The following UCK1 variants were observed in gnomAD, a reference collection of about 807,000 sequenced individuals.
UCK1 encodes cytidine monophosphokinase 1.
UCK1 carries 20 observed loss-of-function variants against 34.0 expected under a neutral mutation model. The ratio of observed to expected loss-of-function variants is 0.59; its 90% CI spans 0.41 to 0.86. UCK1 has a LOEUF of 0.86. Ranked by LOEUF, UCK1 falls within the 40% of genes least tolerant of loss-of-function variation. The probability of loss-of-function intolerance (pLI) is 0.00; values close to 1 mark genes in which losing one functional copy is unlikely to be tolerated. For synonymous variants in UCK1, 168 were observed against 155.9 expected (o/e 1.08, Z -0.58); for missense variants, 343 against 383.6 (o/e 0.89, Z 0.88).
chr9:131,530,831 G>C (rs1466593848), intron 1 of UCK1, 186 bp from the exon 2 acceptor site: 1 of 1,132,104 alleles, frequency 8.8e-7, no homozygotes, highest in East Asian at 2.6e-5. Flanking sequence ...GCACGGACTT[G>C]GGGCTCCGAG....
chr9:131,530,604 G>C lies in UCK1; in HGVS notation c.150C>G (p.Asn50Lys). The C allele has an allele frequency of 2.5e-6, 4 of 1,614,182 alleles. No individual in the cohort carries two copies. Among genetic ancestry groups the C allele is most frequent in the Non-Finnish European group, 3.4e-6 (4 of 1,180,036 alleles). ...CEKIMELLGQ[N>K]EVEQRQRKVV... ...CCTTCCGCTGCCGCTGTTCCACCTCGTTCTGTCCCAGCAACTCCATGATCT... is the reference window on the plus strand; with the variant it reads ...CCTTCCGCTGCCGCTGTTCCACCTCCTTCTGTCCCAGCAACTCCATGATCT... The change falls in exon 2 of 7, where the codon AAC (asparagine) becomes AAG (lysine). Residue 50 changes from asparagine (N) to lysine (K), a missense_variant. Physicochemically the swap from Asn to Lys is moderately conservative, Grantham distance 94 (BLOSUM62 0). Coordinates refer to ENST00000372215, the MANE Select transcript of UCK1 (RefSeq NM_031432.5).
In UCK1 at chr9:131,525,944, C is replaced by T. The variant is rs778585565; in HGVS notation, c.637G>A (p.Gly213Arg). The change falls in exon 6 of 7, where the codon GGA (glycine) becomes AGA (arginine). Residue 213 changes from glycine to arginine, a missense_variant. Gly to Arg is a moderately radical substitution (Grantham distance 125, BLOSUM62 -2). Transcript: ENST00000372215. ...AGCTTCTTACCCATATTGTCCACTC[C>T]TCGCGGGATGATCACATCGGCATAC... ...KKYADVIIPRGVDNMVAINLI... is the reference protein window; with the variant it reads ...KKYADVIIPRRVDNMVAINLI... 1 of 1,614,110 alleles carries T rather than the reference C, an allele frequency of 6.2e-7. No individual in the cohort carries two copies. Among genetic ancestry groups the T allele is most frequent in the Non-Finnish European group, 8.5e-7 (1 of 1,179,996 alleles).
rs74865728 is a variant in UCK1, at chr9:131,528,286, G to A, written c.603+658C>T. Among the ~76,000 whole-genome samples the A allele has an allele frequency of 4.7e-3, 713 of 152,146 alleles. 7 individuals carry two copies. Among genetic ancestry groups the A allele is most frequent in the African/African-American group, 0.016 (676 of 41,482 alleles). On this transcript the variant is annotated intron_variant, in intron 5 of 6. Coordinates refer to ENST00000372215, the MANE Select transcript of UCK1 (RefSeq NM_031432.5). ...TTACCTTAACAGGCAAAATGTTCCCGTGCAAAACACTCCCATTTGAGTAGA... is the reference window on the plus strand; with the variant it reads ...TTACCTTAACAGGCAAAATGTTCCCATGCAAAACACTCCCATTTGAGTAGA...
At chr9:131,530,279 G>A (rs1950782030) in intron 2 of UCK1, among the ~76,000 whole-genome samples, 1 of 152,192 alleles carries the variant, frequency 6.6e-6, no homozygotes, top group Non-Finnish European at 1.5e-5. Context: ...CTCCAACCAC[G>A]CTCCTGGGGG....
rs1032187926 is a variant in UCK1 at position 131,530,817 on chromosome 9, G to A, written c.109-172C>T. On this transcript the variant is annotated intron_variant, in intron 1 of 6. Transcript: ENST00000372215. ...GGAAGGGCCGCGGGGGCCCAACGGG[G>A]TTAGCACGGACTTGGGGCTCCGAGG... 6 of 1,242,484 alleles carry A rather than the reference G, an allele frequency of 4.8e-6. No homozygotes were observed. The African/African-American group carries it at 7.4e-5, about 15-fold the overall frequency. The allele number at this position is 1,242,484 out of a possible 1,614,324, so 77.0% of individuals were successfully genotyped here.
intron 5 of UCK1, 103 bp from the exon 6 acceptor site, chr9:131,526,080 T>G: frequency 1.5e-6 from 2 of 1,318,122 alleles, no homozygotes; most frequent in Non-Finnish European, 2.2e-6. Flanking sequence ...GGCCCTGGGG[T>G]GCTCAGAGGT....
intron 5 of UCK1, among the ~76,000 whole-genome samples, chr9:131,526,970 T>C (rs1319938963): frequency 6.6e-6 from 1 of 152,054 alleles, no homozygotes; most frequent in African/African-American, 2.4e-5. Context: ...GGCAGAGGAC[T>C]GCACAAGCCA....
chr9:131,530,438 G>A (rs766676839), intron 2 of UCK1, 48 bp downstream of exon 2: 14 of 1,603,310 alleles, frequency 8.7e-6, no homozygotes, highest in East Asian at 2.2e-5. Context: ...GTTAGCGGCC[G>A]CCCAGAATGG....
chr9:131,530,393 C>A (rs751909198), intron 2 of UCK1, 93 bp downstream of exon 2: 16 of 1,478,716 alleles, frequency 1.1e-5, no homozygotes, highest in Non-Finnish European at 1.5e-5. Flanking sequence ...CCAAGCGGGT[C>A]TGCATCCATC....
intron 5 of UCK1, chr9:131,526,383 A>T: frequency 7.9e-7 from 1 of 1,268,568 alleles, no homozygotes; most frequent in Non-Finnish European, 1.0e-6. Flanking sequence ...ACCCTGGCAC[A>T]GCAACAGGAC....
At position 131,525,057 on chromosome 9, in the gene UCK1, T is replaced by G; in HGVS notation, c.817A>C (p.Ser273Arg). 1 of 1,611,916 alleles carries G rather than the reference T, an allele frequency of 6.2e-7. No homozygotes were observed. The highest frequency in any genetic ancestry group is 8.5e-7 in the Non-Finnish European group (1 of 1,178,912). Residue 273 changes from serine to arginine, a missense_variant, in exon 7 of 7, where the codon AGC becomes CGC. Physicochemically the swap from Ser to Arg is moderately radical, Grantham distance 110 (BLOSUM62 -1). Coordinates refer to ENST00000372215, the MANE Select transcript of UCK1 (RefSeq NM_031432.5). ...TSGKRSHLES[S>R]SRPH The stretch of plus-strand genomic sequence containing the variant: ...GCAGCCCCTCAGTGGGGTCTGCTGC[T>G]GGACTCCAAATGTGACCGTTTGCCA...
rs1950712039 is a variant in UCK1 at position 131,528,848 on chromosome 9, A to G, written c.603+96T>C. 5 of 1,446,730 alleles carry G rather than the reference A, an allele frequency of 3.5e-6. No homozygotes were observed. In the East Asian group the frequency reaches 1.2e-4, roughly 35 times the overall value. 89.6% of individuals were successfully genotyped at this position (1,446,730 alleles called of 1,614,324 possible). A position where few individuals can be genotyped will look rare whatever the true frequency, so the allele number is the denominator to read the frequency against. On this transcript the variant is annotated intron_variant, in intron 5 of 6. Transcript: ENST00000372215. ...AATTCTTCTCCTTTTTTTCAATCAG[A>G]TCACTGTCACCCAGCACTAAGCCCT...
chr9:131,530,882 C>A (rs1950815385), intron 1 of UCK1, among the ~76,000 whole-genome samples, 185 bp downstream of exon 1: 1 of 152,138 alleles, frequency 6.6e-6, no homozygotes, highest in African/African-American at 2.4e-5. Context: ...GCCCCGAGGC[C>A]CAGCGCCCCA....
At chr9:131,530,947 T>C in intron 1 of UCK1, 120 bp downstream of exon 1, 1 of 998,200 alleles carries the variant, frequency 1.0e-6, no homozygotes, top group Non-Finnish European at 1.3e-6. Context: ...GCCCCTTCGC[T>C]CCCGCGCCCT....
At chr9:131,527,653 G>C (rs763737323) in intron 5 of UCK1, among the ~76,000 whole-genome samples, 24 of 152,110 alleles carry the variant, frequency 1.6e-4, no homozygotes, top group Non-Finnish European at 3.5e-4. Context: ...GAGGTGGGAG[G>C]ACCACTAGAT....
rs764221483 is a variant in UCK1, at chr9:131,530,546, C to T, written c.208G>A (p.Val70Ile). Residue 70 changes from valine (V) to isoleucine (I), a missense_variant, in exon 2 of 7, where the codon GTC becomes ATC. Transcript: ENST00000372215. ...VILSQDRFYK[V>I]LTAEQKAKAL... ...TTGGCCTTCTGCTCTGCCGTCAGGACCTTGTAGAACCTGTCCTGGCTCAGG... is the reference window on the plus strand; with the variant it reads ...TTGGCCTTCTGCTCTGCCGTCAGGATCTTGTAGAACCTGTCCTGGCTCAGG... 2 of 1,614,130 alleles carry T rather than the reference C, an allele frequency of 1.2e-6. No individual in the cohort carries two copies. Among genetic ancestry groups the T allele is most frequent in the African/African-American group, 2.7e-5 (2 of 74,944 alleles).
intron 5 of UCK1, among the ~76,000 whole-genome samples, chr9:131,528,432 C>T (rs1048467821): frequency 6.6e-6 from 1 of 152,188 alleles, no homozygotes; most frequent in African/African-American, 2.4e-5. Flanking sequence ...GCGCTCACTC[C>T]AAGATTTCAG....
At chr9:131,530,872 G>C (rs968544208) in intron 1 of UCK1, among the ~76,000 whole-genome samples, 195 bp downstream of exon 1, 6 of 152,140 alleles carry the variant, frequency 3.9e-5, no homozygotes, top group African/African-American at 1.2e-4. Flanking sequence ...CTGTGGGGGA[G>C]CCCCGAGGCC....
At chr9:131,525,834 G>A (rs1443430755) in intron 6 of UCK1, 95 bp downstream of exon 6, 45 of 1,332,790 alleles carry the variant, frequency 3.4e-5, no homozygotes, top group South Asian at 1.0e-4. Flanking sequence ...GGCCGCGTGC[G>A]CAGGGGAGTG....
Sources: gnomAD v4.1 joint callset for allele counts (sites outside exome capture counted in the v4.1 genomes callset) on GRCh38, gnomAD v4.1.1 for gene constraint, MANE v1.5 for transcripts, NCBI Gene and HGNC (gene_info 2026-07-23, HGNC 2026-07-21) for gene names.